Variants in USP12 observed in about 807,000 individuals in gnomAD.
USP12 encodes ubiquitin carboxyl-terminal hydrolase 12.
Under a neutral mutation model 45.5 loss-of-function variants are expected in USP12, and 19 were observed. The observed-to-expected ratio is 0.42, with a 90% CI of 0.29 to 0.61. The LOEUF is 0.61. USP12 is among the 20% of genes least tolerant of loss of function. USP12 has a pLI of 0.22. For synonymous variants in USP12, 149 were observed against 148.8 expected (o/e 1.00, Z -0.01); for missense variants, 242 against 447.7 (o/e 0.54, Z 4.15).
At chr13:27,160,713 CAACA>C (rs1878064594) in intron 1 of USP12, among the ~76,000 whole-genome samples, 1 of 151,960 alleles carries the variant, frequency 6.6e-6, no homozygotes, top group East Asian at 1.9e-4. Context: ...GTCCATCAAA[CAACA>C]AACAGTGAAA....
chr13:27,084,169 T>TACATACACACACAC (rs1295472031), intron 6 of USP12, among the ~76,000 whole-genome samples: 132 of 142,506 alleles, frequency 9.3e-4, no homozygotes, highest in African/African-American at 3.3e-3. Flanking sequence ...CATGTTTGCA[T>TACATACACACACAC]ACACACACAC....
In USP12 at chr13:27,069,016, G is replaced by A. The variant is rs915269600; in HGVS notation, c.*267C>T. The A allele has an allele frequency of 4.4e-6, 2 of 457,256 alleles. No homozygotes were observed. The highest frequency in any genetic ancestry group is 7.8e-6 in the Non-Finnish European group (2 of 257,724). 28.3% of individuals were successfully genotyped at this position (457,256 alleles called of 1,614,324 possible). On this transcript the variant is annotated 3_prime_UTR_variant, in exon 9 of 9. Coordinates refer to ENST00000282344, the MANE Select transcript of USP12 (RefSeq NM_182488.4). ...GAAAATGCGTGCCAATGACTGGAAG[G>A]CTGTTTTAAAAGAGGAGCTGGTATC...
intron 6 of USP12, among the ~76,000 whole-genome samples, chr13:27,089,026 A>T (rs1874195931): frequency 6.6e-6 from 1 of 152,246 alleles, no homozygotes; most frequent in Non-Finnish European, 1.5e-5. Flanking sequence ...AATAAGGGAC[A>T]TTCTACAAAA....
intron 1 of USP12, among the ~76,000 whole-genome samples, chr13:27,169,602 C>T (rs1878493780): frequency 6.6e-6 from 1 of 152,126 alleles, no homozygotes; most frequent in Non-Finnish European, 1.5e-5. Flanking sequence ...AATACACACG[C>T]CCCACATGTA....
chr13:27,160,781 CTT>C (rs555444474), intron 1 of USP12, among the ~76,000 whole-genome samples: 5 of 143,104 alleles, frequency 3.5e-5, no homozygotes, highest in African/African-American at 7.6e-5. Flanking sequence ...CATCATGTTT[CTT>C]TTTTTTTTTT....
rs1181271634 is a variant in USP12, at chr13:27,066,787, C to G, written c.*2496G>C. 2 of 152,230 alleles carry G rather than the reference C, an allele frequency of 1.3e-5. No individual in the cohort carries two copies. The highest frequency in any genetic ancestry group is 4.8e-5 in the African/African-American group (2 of 41,456). The allele number at this position is 152,230 out of a possible 1,614,324, so 9.4% of individuals were successfully genotyped here. Reference sequence around the variant, plus strand: ...GCAATCAGCCACCACTTACAACTTACACCAGCCCCGCATTTTAATCACAGT... The same window carrying G: ...GCAATCAGCCACCACTTACAACTTAGACCAGCCCCGCATTTTAATCACAGT... On this transcript the variant is annotated 3_prime_UTR_variant, in exon 9 of 9. Coordinates refer to ENST00000282344, the MANE Select transcript of USP12 (RefSeq NM_182488.4).
chr13:27,128,645 A>AT (rs1876353390), intron 1 of USP12, among the ~76,000 whole-genome samples: 1 of 152,288 alleles, frequency 6.6e-6, no homozygotes, highest in African/African-American at 2.4e-5. Flanking sequence ...TCTTTCTACC[A>AT]TATTCTTGAT....
chr13:27,068,175 T>C lies in USP12; in HGVS notation c.*1108A>G, dbSNP rs1208852319. 6.6e-5 allele frequency: 10 copies of C among 152,530 alleles called. No individual in the cohort carries two copies. The highest frequency in any genetic ancestry group is 1.2e-4 in the Non-Finnish European group (8 of 68,038). The allele number at this position is 152,530 out of a possible 1,614,324, so 9.4% of individuals were successfully genotyped here. A position where few individuals can be genotyped will look rare whatever the true frequency, so the allele number is the denominator to read the frequency against. ...AAATGGCATCTGAAAATAACATAAA[T>C]GCTATGACATGATTTTCCCAAGCAT... is the stretch of plus-strand genomic sequence containing the variant. On this transcript the variant is annotated 3_prime_UTR_variant, in exon 9 of 9. Transcript: ENST00000282344.
chr13:27,149,729 G>A (rs1169730980), intron 1 of USP12, among the ~76,000 whole-genome samples: 5 of 152,146 alleles, frequency 3.3e-5, no homozygotes, highest in African/African-American at 7.2e-5. Flanking sequence ...CAACCTTTTC[G>A]GCATCAGGAA....
chr13:27,163,543 G>C (rs1425664825), intron 1 of USP12, among the ~76,000 whole-genome samples: 1 of 152,014 alleles, frequency 6.6e-6, no homozygotes, highest in Non-Finnish European at 1.5e-5. Flanking sequence ...CTCATTGCAT[G>C]CATTTGTTTT....
chr13:27,167,511 T>C (rs1389548406), intron 1 of USP12, among the ~76,000 whole-genome samples: 3 of 152,034 alleles, frequency 2.0e-5, no homozygotes, highest in South Asian at 2.1e-4. Flanking sequence ...ATTTATGTAA[T>C]AGAAGATTCC....
At position 27,171,579 on chromosome 13, in the gene USP12, C is replaced by A. The variant is rs764744633; in HGVS notation, c.48+13G>T. 4.8e-6 allele frequency: 6 copies of A among 1,254,878 alleles called. No homozygotes were observed. Among genetic ancestry groups the A allele is most frequent in the Non-Finnish European group, 6.2e-6 (6 of 965,248 alleles). 77.7% of individuals were successfully genotyped at this position (1,254,878 alleles called of 1,614,324 possible). On this transcript the variant is annotated intron_variant, in intron 1 of 8. Coordinates refer to ENST00000282344, the MANE Select transcript of USP12 (RefSeq NM_182488.4). ...GTCCCGGCAGCCCCGGCCGCCCGCTCGCCGCCACCTACCATGGTACAGATG... is the reference window on the plus strand; with the variant it reads ...GTCCCGGCAGCCCCGGCCGCCCGCTAGCCGCCACCTACCATGGTACAGATG...
intron 3 of USP12, among the ~76,000 whole-genome samples, chr13:27,101,265 A>G (rs746803170): frequency 5.3e-5 from 8 of 152,262 alleles, no homozygotes; most frequent in Non-Finnish European, 1.0e-4. Context: ...TAAAAGCGTC[A>G]ACCAGGACTG....
rs564263839 is a variant in USP12, at chr13:27,129,232, G to C, written c.49-12636C>G. On this transcript the variant is annotated intron_variant, in intron 1 of 8. Coordinates refer to ENST00000282344, the MANE Select transcript of USP12 (RefSeq NM_182488.4). This position sits in a 1 kb window ranked among gnomAD's most constrained non-coding sequence, Gnocchi z 4.0. ...TATTATATTAAACCACAGTTAAGTG[G>C]AAAGAACAAAGCAGCATCTCTGCCA... is the stretch of plus-strand genomic sequence containing the variant. Among the ~76,000 whole-genome samples the C allele has an allele frequency of 1.2e-4, 7 of 58,498 alleles. No individual in the cohort carries two copies. The East Asian group carries it at 5.0e-3, about 41-fold the overall frequency. 38.4% of individuals were successfully genotyped at this position (58,498 alleles called of 152,430 possible). A position where few individuals can be genotyped will look rare whatever the true frequency, so the allele number is the denominator to read the frequency against.
intron 1 of USP12, among the ~76,000 whole-genome samples, chr13:27,128,400 G>C (rs183094991): frequency 1.1e-4 from 17 of 152,226 alleles, no homozygotes; most frequent in African/African-American, 3.4e-4. Context: ...TTGAGTGCAC[G>C]ATGAAACTTT....
chr13:27,099,467 C>T lies in USP12; in HGVS notation c.344-3637G>A, dbSNP rs77405427. Reference sequence around the variant, plus strand: ...ATATTCTTCATAAACAATTACTTCCCAAACCCTTTCAATTTTTAAAGTTCA... The same window carrying T: ...ATATTCTTCATAAACAATTACTTCCTAAACCCTTTCAATTTTTAAAGTTCA... On this transcript the variant is annotated intron_variant, in intron 3 of 8. Coordinates refer to ENST00000282344, the MANE Select transcript of USP12 (RefSeq NM_182488.4). Among the ~76,000 whole-genome samples the T allele has an allele frequency of 2.6e-3, 395 of 152,172 alleles. 5 individuals are homozygous for T. In the East Asian group the frequency reaches 0.041, roughly 16 times the overall value.
intron 1 of USP12, chr13:27,117,815 A>G (rs1382631443): frequency 9.6e-6 from 5 of 518,252 alleles, no homozygotes; most frequent in African/African-American, 5.8e-5. Context: ...GATCAACTCA[A>G]TTCTGTGCAC....
intron 1 of USP12, among the ~76,000 whole-genome samples, chr13:27,135,913 A>G (rs919594257): frequency 4.6e-5 from 7 of 152,108 alleles, no homozygotes; most frequent in Non-Finnish European, 7.4e-5. Flanking sequence ...CCCAAAACAC[A>G]TGAACTTTGT....
chr13:27,118,229 T>C (rs1214303333), intron 1 of USP12, among the ~76,000 whole-genome samples: 1 of 151,858 alleles, frequency 6.6e-6, no homozygotes, highest in African/African-American at 2.4e-5. Flanking sequence ...TCCTGACAGC[T>C]CTAGGCTGAA....
Sources: allele counts gnomAD v4.1 joint callset (sites outside exome capture counted in the v4.1 genomes callset), GRCh38; gene constraint gnomAD v4.1.1; non-coding constraint Gnocchi (gnomAD v3.1); transcripts MANE v1.5; gene names NCBI Gene and HGNC (gene_info 2026-07-23, HGNC 2026-07-21).